The following MACC1 variants were observed in gnomAD, a reference collection of about 807,000 sequenced individuals.
MACC1 encodes MET transcriptional regulator MACC1.
In MACC1, 79 loss-of-function variants were observed where a neutral mutation model predicts 70.7. The observed-to-expected ratio is 1.12, with a 90% CI of 0.93 to 1.35. MACC1 has a LOEUF of 1.35. MACC1 is among the 40% of genes most tolerant of loss of function. The pLI, the probability that MACC1 is intolerant of heterozygous loss-of-function variation, is 0.00. For missense variants in MACC1, 1,106 were observed against 978.1 expected, an observed-to-expected ratio of 1.13 and a Z score of -1.74; for synonymous variants, 361 against 347.2, an observed-to-expected ratio of 1.04 and a Z score of -0.44.
At chr7:20,179,905 T>C (rs913471906) in intron 1 of MACC1, among the ~76,000 whole-genome samples, 3 of 152,194 alleles carry the variant, frequency 2.0e-5, no homozygotes, top group African/African-American at 7.2e-5. Flanking sequence ...CTTATCACAC[T>C]GTATTTCTGC....
chr7:20,190,947 T>C (rs1358562233), intron 1 of MACC1, among the ~76,000 whole-genome samples: 1 of 152,258 alleles, frequency 6.6e-6, no homozygotes, highest in Admixed American at 6.5e-5. Flanking sequence ...AGGGAAGATA[T>C]TAAAAACACA....
rs1782006082 is a variant in MACC1, at chr7:20,153,189, A to C, written c.2346+1004T>G. 5 of 152,226 alleles carry C rather than the reference A, an allele frequency of 3.3e-5. No individual in the cohort carries two copies. In the South Asian group the frequency reaches 1.0e-3, roughly 32 times the overall value. The allele number at this position is 152,226 out of a possible 1,614,324, so 9.4% of individuals were successfully genotyped here. ...GAGAGCCAGGCTGCAGGAACTCAGA[A>C]ACCAGCCTGCTGACACTTCCACTGC... is the stretch of plus-strand genomic sequence containing the variant. On this transcript the variant is annotated intron_variant, in intron 6 of 6. Transcript: ENST00000400331.
chr7:20,158,492 C>T lies in MACC1; in HGVS notation c.1869G>A (p.Met623Ile), dbSNP rs1384709885. The T allele has an allele frequency of 1.9e-6, 3 of 1,613,962 alleles. No homozygotes were observed. The highest frequency in any genetic ancestry group is 2.7e-5 in the African/African-American group (2 of 74,936). ...NVKVISKEQVMFMSDSVFTTR... is the reference protein window; with the variant it reads ...NVKVISKEQVIFMSDSVFTTR... ...TTGTAAAGACACTATCTGACATAAA[C>T]ATTACTTGCTCCTTTGAAATCACCT... Residue 623 changes from methionine (M) to isoleucine (I), a missense_variant, in exon 5 of 7, where the codon ATG (methionine) becomes ATA (isoleucine). Physicochemically the swap from Met to Ile is conservative, Grantham distance 10. Coordinates refer to ENST00000400331, the MANE Select transcript of MACC1 (RefSeq NM_182762.4).
At chr7:20,185,887 T>C (rs1054842203) in intron 1 of MACC1, among the ~76,000 whole-genome samples, 4 of 152,154 alleles carry the variant, frequency 2.6e-5, no homozygotes, top group South Asian at 4.1e-4. Flanking sequence ...TAGAGATTAA[T>C]TAACCTACCC....
At chr7:20,179,288 T>A (rs1363265275) in intron 1 of MACC1, among the ~76,000 whole-genome samples, 1 of 152,238 alleles carries the variant, frequency 6.6e-6, no homozygotes, top group Non-Finnish European at 1.5e-5. Flanking sequence ...TTCAGATTAT[T>A]TTATATAATT....
At chr7:20,215,523 A>T (rs1209170427) in intron 1 of MACC1, among the ~76,000 whole-genome samples, 2 of 152,212 alleles carry the variant, frequency 1.3e-5, no homozygotes, top group African/African-American at 2.4e-5. Context: ...TTTCATTCTA[A>T]TTCTATCCTG....
chr7:20,166,489 C>T (rs1316525142), intron 2 of MACC1, among the ~76,000 whole-genome samples: 2 of 152,188 alleles, frequency 1.3e-5, no homozygotes, highest in East Asian at 3.8e-4. Context: ...GTGGCACTCT[C>T]TGATTGGTAA....
intron 2 of MACC1, among the ~76,000 whole-genome samples, chr7:20,169,701 C>A (rs1782273740): frequency 1.3e-5 from 2 of 152,166 alleles, no homozygotes; most frequent in Non-Finnish European, 2.9e-5. Flanking sequence ...TGGTTACAGT[C>A]CTTCTAGTAT....
At chr7:20,187,617 T>C (rs1021356530) in intron 1 of MACC1, among the ~76,000 whole-genome samples, 3 of 152,312 alleles carry the variant, frequency 2.0e-5, no homozygotes, top group African/African-American at 7.2e-5. Flanking sequence ...CTTGGTGAAA[T>C]TGAACACTCT....
chr7:20,180,457 A>G (rs1782485990), intron 1 of MACC1, among the ~76,000 whole-genome samples: 1 of 152,180 alleles, frequency 6.6e-6, no homozygotes, highest in African/African-American at 2.4e-5. Flanking sequence ...AAGGAAAAAA[A>G]AAAGAAAAAA....
In MACC1 at chr7:20,216,527, G is replaced by T. The variant is rs920008152; in HGVS notation, c.-218+772C>A. On this transcript the variant is annotated intron_variant, in intron 1 of 6. Coordinates refer to ENST00000400331, the MANE Select transcript of MACC1 (RefSeq NM_182762.4). ...CATTTCTCCTTCCCCCAAGCCCCTG[G>T]CAACTACCATTCTAAGTATCATTTA... Among the ~76,000 whole-genome samples the T allele has an allele frequency of 2.0e-5, 3 of 151,918 alleles. No homozygotes were observed. In the East Asian group the frequency reaches 5.8e-4, roughly 29 times the overall value.
At chr7:20,161,660 C>G in intron 4 of MACC1, 88 bp downstream of exon 4, 1 of 748,090 alleles carries the variant, frequency 1.3e-6, no homozygotes. Flanking sequence ...CATCTTCCAG[C>G]ATTTTCAGAG....
intron 5 of MACC1, among the ~76,000 whole-genome samples, chr7:20,157,062 A>G (rs1410542446): frequency 7.4e-4 from 113 of 152,320 alleles, no homozygotes; most frequent in Non-Finnish European, 5.9e-5. Flanking sequence ...TTCAAATCCC[A>G]TCTATAAGAA....
At chr7:20,147,372 C>T (rs1379269538) in intron 6 of MACC1, 3 of 152,144 alleles carry the variant, frequency 2.0e-5, no homozygotes, top group Non-Finnish European at 4.4e-5. Context: ...TGGATAATTA[C>T]ATTTTGTCAC....
At chr7:20,184,044 T>C (rs1782550269) in intron 1 of MACC1, among the ~76,000 whole-genome samples, 2 of 152,176 alleles carry the variant, frequency 1.3e-5, no homozygotes, top group African/African-American at 4.8e-5. Flanking sequence ...CCTCACTTCA[T>C]TGGGTCCTTC....
intron 2 of MACC1, among the ~76,000 whole-genome samples, chr7:20,167,211 A>T (rs901600559): frequency 6.6e-6 from 1 of 151,534 alleles, no homozygotes; most frequent in Non-Finnish European, 1.5e-5. Flanking sequence ...TATTTTTTCA[A>T]TGGAGATGGA....
intron 4 of MACC1, among the ~76,000 whole-genome samples, chr7:20,160,952 G>A (rs1782131113): frequency 6.6e-6 from 1 of 152,044 alleles, no homozygotes; most frequent in Admixed American, 6.5e-5. Flanking sequence ...ACTCAAGCTT[G>A]CAATGGCAAA....
In MACC1 at chr7:20,139,610, A is replaced by G. The variant is rs1781767866; in HGVS notation, c.*1336T>C. 1.3e-5 allele frequency: 2 copies of G among 152,316 alleles called. No individual in the cohort carries two copies. The highest frequency in any genetic ancestry group is 4.8e-5 in the African/African-American group (2 of 41,570). 9.4% of individuals were successfully genotyped at this position (152,316 alleles called of 1,614,324 possible). A position where few individuals can be genotyped will look rare whatever the true frequency, so the allele number is the denominator to read the frequency against. The stretch of plus-strand genomic sequence containing the variant: ...TCTATATGCCTGCCAAAAAATAGAC[A>G]CATATACTCTACCTATTGACTGAAT... On this transcript the variant is annotated 3_prime_UTR_variant, in exon 7 of 7. Coordinates refer to ENST00000400331, the MANE Select transcript of MACC1 (RefSeq NM_182762.4).
At chr7:20,189,525 T>C (rs567698636) in intron 1 of MACC1, among the ~76,000 whole-genome samples, 1 of 152,312 alleles carries the variant, frequency 6.6e-6, no homozygotes, top group Admixed American at 6.5e-5. Context: ...TTTGTAAAGA[T>C]TTCCTAGGTG....
Sources: gnomAD v4.1 joint callset for allele counts (sites outside exome capture counted in the v4.1 genomes callset) on GRCh38, gnomAD v4.1.1 for gene constraint, MANE v1.5 for transcripts, NCBI Gene and HGNC (gene_info 2026-07-23, HGNC 2026-07-21) for gene names.